SSBP2: variants seen among roughly 807,000 people sequenced by gnomAD.
SSBP2 encodes single-stranded DNA-binding protein 2.
SSBP2 carries 17 observed loss-of-function variants against 61.8 expected under a neutral mutation model. The observed-to-expected ratio is 0.28, with a 90% CI of 0.19 to 0.41. The LOEUF (loss-of-function observed/expected upper bound fraction) is 0.41. SSBP2 is among the 10% of genes least tolerant of loss of function. The probability of loss-of-function intolerance (pLI) is 1.00; values close to 1 mark genes in which losing one functional copy is unlikely to be tolerated. For missense variants in SSBP2, 310 were observed against 458.7 expected (o/e 0.68, Z 2.96); for synonymous variants, 139 against 141.3 (o/e 0.98, Z 0.12).
At chr5:81,527,901 T>TA (rs57104850) in intron 4 of SSBP2, among the ~76,000 whole-genome samples, 8,742 of 126,818 alleles carry the variant, frequency 0.069, 678 homozygotes, top group African/African-American at 0.19. Flanking sequence ...CTTAAAGTAG[T>TA]AAAAAAAAAA....
intron 4 of SSBP2, among the ~76,000 whole-genome samples, chr5:81,592,267 G>A (rs1007301997): frequency 1.3e-5 from 2 of 152,250 alleles, no homozygotes; most frequent in Non-Finnish European, 2.9e-5. Context: ...CAAACTGCAA[G>A]GCAGCAGCGA....
In SSBP2 at chr5:81,707,032, A is replaced by G. The variant is rs77341406; in HGVS notation, c.62+43949T>C. Among the ~76,000 whole-genome samples the G allele has an allele frequency of 7.6e-3, 1,152 of 152,298 alleles. 23 individuals carry two copies. The highest frequency in any genetic ancestry group is 0.027 in the African/African-American group (1,102 of 41,566). ...TAAATACGGGTTATTTCCACAAACT[A>G]ATCATTAGATAACTCTATGGCCCTG... On this transcript the variant is annotated intron_variant, in intron 1 of 16. Coordinates refer to ENST00000320672, the MANE Select transcript of SSBP2 (RefSeq NM_012446.5).
At chr5:81,459,205 C>A (rs78124123) in intron 10 of SSBP2, among the ~76,000 whole-genome samples, 1 of 152,090 alleles carries the variant, frequency 6.6e-6, no homozygotes, top group South Asian at 2.1e-4. Context: ...CAGTGCCCAG[C>A]GCTATGAAAT....
chr5:81,472,662 C>T (rs1335447347), intron 8 of SSBP2, among the ~76,000 whole-genome samples: 3 of 152,148 alleles, frequency 2.0e-5, no homozygotes, highest in South Asian at 2.1e-4. Flanking sequence ...TGCAATGGCG[C>T]GATCTTGTCT....
chr5:81,586,786 G>C (rs1775089408), intron 4 of SSBP2, among the ~76,000 whole-genome samples: 1 of 152,058 alleles, frequency 6.6e-6, no homozygotes, highest in African/African-American at 2.4e-5. Context: ...GTGCCTACCT[G>C]ATCTGTCTTT....
At chr5:81,609,588 A>G (rs1168451763) in intron 4 of SSBP2, among the ~76,000 whole-genome samples, 2 of 152,214 alleles carry the variant, frequency 1.3e-5, no homozygotes, top group South Asian at 2.1e-4. Context: ...AAAAGTTAAT[A>G]AACAAATGAT....
At chr5:81,723,456 T>TA (rs1399307514) in intron 1 of SSBP2, among the ~76,000 whole-genome samples, 1 of 151,966 alleles carries the variant, frequency 6.6e-6, no homozygotes, top group Non-Finnish European at 1.5e-5. Flanking sequence ...CTGCAGCTTG[T>TA]AAGTATTCAC....
chr5:81,586,626 C>A (rs80224334), intron 4 of SSBP2, among the ~76,000 whole-genome samples: 1,471 of 113,502 alleles, frequency 0.013, no homozygotes, highest in Admixed American at 0.016. Flanking sequence ...CTGCAGTATG[C>A]AAAAAAAAAA....
intron 8 of SSBP2, among the ~76,000 whole-genome samples, chr5:81,469,935 A>G (rs1443368689): frequency 6.6e-6 from 1 of 151,970 alleles, no homozygotes; most frequent in Non-Finnish European, 1.5e-5. Context: ...ATGGCTGTTC[A>G]GACTCTGCTT....
intron 1 of SSBP2, among the ~76,000 whole-genome samples, chr5:81,710,206 G>T (rs1176786541): frequency 6.6e-6 from 1 of 152,054 alleles, no homozygotes; most frequent in African/African-American, 2.4e-5. Flanking sequence ...ATTATAATGG[G>T]TGTAAAGGGT....
chr5:81,453,456 C>CTT (rs34761912), intron 10 of SSBP2, among the ~76,000 whole-genome samples: 18 of 112,114 alleles, frequency 1.6e-4, no homozygotes, highest in Non-Finnish European at 2.4e-4. Context: ...TGGGTTTATT[C>CTT]TTTTTTTTTT....
intron 4 of SSBP2, among the ~76,000 whole-genome samples, chr5:81,561,958 G>A (rs908623973): frequency 5.3e-5 from 8 of 152,098 alleles, no homozygotes; most frequent in African/African-American, 1.2e-4. Flanking sequence ...AGGCTAGAGC[G>A]CAATGGCACA....
chr5:81,462,785 CT>C (rs1764628474), intron 9 of SSBP2, among the ~76,000 whole-genome samples: 1 of 152,018 alleles, frequency 6.6e-6, no homozygotes, highest in South Asian at 2.1e-4. Context: ...AGTAAAAAAA[CT>C]TGGGAACATT....
intron 4 of SSBP2, among the ~76,000 whole-genome samples, chr5:81,613,679 T>C (rs1745681154): frequency 2.0e-5 from 3 of 152,242 alleles, no homozygotes; most frequent in Non-Finnish European, 4.4e-5. Flanking sequence ...TGGCACTCTC[T>C]AATGCCATCT....
At chr5:81,614,277 G>A (rs983362433) in intron 4 of SSBP2, among the ~76,000 whole-genome samples, 12 of 143,108 alleles carry the variant, frequency 8.4e-5, no homozygotes, top group Non-Finnish European at 1.8e-4. Context: ...GGAGAATGGC[G>A]TGAACCCGGG....
At chr5:81,726,234 A>C (rs930748443) in intron 1 of SSBP2, among the ~76,000 whole-genome samples, 1 of 152,136 alleles carries the variant, frequency 6.6e-6, no homozygotes, top group East Asian at 1.9e-4. Context: ...TGAGGTCAGA[A>C]AAGAAACACT....
At chr5:81,445,154 ATATATATATATATATATATATATGTATG>A (rs1763312776) in intron 12 of SSBP2, among the ~76,000 whole-genome samples, 2 of 89,574 alleles carry the variant, frequency 2.2e-5, no homozygotes, top group Admixed American at 2.3e-4. Flanking sequence ...ATATATATAT[ATATATATATATATATATATATATGTATG>A]TATTTACTGG....
rs114264022 is a variant in SSBP2 at position 81,502,053 on chromosome 5, C to T, written c.372+11575G>A. ...CTTGACTTCTCCCTCCACCTACTGC[C>T]TCATTTTTCACTTTCCTTTAAATCA... is the stretch of plus-strand genomic sequence containing the variant. On this transcript the variant is annotated intron_variant, in intron 5 of 16. Transcript: ENST00000320672. 5.0e-3 allele frequency among the ~76,000 whole-genome samples: 767 copies of T among 152,226 alleles called. 7 individuals carry two copies. The highest frequency in any genetic ancestry group is 0.017 in the African/African-American group (712 of 41,512).
At position 81,638,020 on chromosome 5, in the gene SSBP2, G is replaced by A. The variant is rs149958839; in HGVS notation, c.136-1402C>T. 6.9e-3 allele frequency among the ~76,000 whole-genome samples: 1,026 copies of A among 148,416 alleles called. 12 individuals carry two copies. The highest frequency in any genetic ancestry group is 0.025 in the African/African-American group (996 of 40,372). On this transcript the variant is annotated intron_variant, in intron 2 of 16. Coordinates refer to ENST00000320672, the MANE Select transcript of SSBP2 (RefSeq NM_012446.5). ...TCGCAAGAACAAAAAACCAAACACC[G>A]CATGTTCTCACTTACAGGTGGGAAT...
Sources: gnomAD v4.1 joint callset for allele counts (sites outside exome capture counted in the v4.1 genomes callset) on GRCh38, gnomAD v4.1.1 for gene constraint, MANE v1.5 for transcripts, NCBI Gene and HGNC (gene_info 2026-07-23, HGNC 2026-07-21) for gene names.